Variants in MED12L observed in about 807,000 individuals in gnomAD.
MED12L encodes mediator complex subunit 12L, also known as mediator of RNA polymerase II transcription subunit 12-like protein.
Under a neutral mutation model 281.3 loss-of-function variants are expected in MED12L, and 60 were observed. The ratio of observed to expected loss-of-function variants is 0.21; its 90% CI spans 0.17 to 0.26. The LOEUF (loss-of-function observed/expected upper bound fraction) is 0.26. MED12L is among the 10% of genes least tolerant of loss of function. The pLI is 1.00. For missense variants in MED12L, 2,146 were observed against 2,680.9 expected (o/e 0.80, Z 4.41); for synonymous variants, 974 against 987.2 (o/e 0.99, Z 0.25).
chr3:151,197,200 T>C (rs914258328), intron 16 of MED12L, among the ~76,000 whole-genome samples: 3 of 152,130 alleles, frequency 2.0e-5, no homozygotes, highest in African/African-American at 7.2e-5. Context: ...TCTCGCTCTT[T>C]TTGCCCAGGC....
chr3:151,349,453 A>G (rs1325406192), intron 16 of MED12L, among the ~76,000 whole-genome samples: 2 of 152,152 alleles, frequency 1.3e-5, no homozygotes, highest in African/African-American at 2.4e-5. Context: ...AATAAATGGA[A>G]TATATATAGT....
chr3:151,256,080 A>C (rs934097459), intron 16 of MED12L, among the ~76,000 whole-genome samples: 1 of 152,242 alleles, frequency 6.6e-6, no homozygotes. Flanking sequence ...ATAGAAATAC[A>C]GTGCTATGCT....
chr3:151,429,106 C>T (rs759776143), intron 43 of MED12L, among the ~76,000 whole-genome samples: 2 of 152,132 alleles, frequency 1.3e-5, no homozygotes, highest in African/African-American at 4.8e-5. Flanking sequence ...CTAATCCCAG[C>T]GGGACAAGAA....
chr3:151,147,698 C>G (rs1717924461), intron 5 of MED12L, among the ~76,000 whole-genome samples: 1 of 152,210 alleles, frequency 6.6e-6, no homozygotes, highest in Non-Finnish European at 1.5e-5. Flanking sequence ...ACTTCATTCT[C>G]TCTTAGGGCC....
At chr3:151,400,156 C>T (rs1406257838) in intron 39 of MED12L, among the ~76,000 whole-genome samples, 2 of 152,040 alleles carry the variant, frequency 1.3e-5, no homozygotes, top group African/African-American at 2.4e-5. Flanking sequence ...CTCACAATAT[C>T]GACATCTAGG....
intron 16 of MED12L, chr3:151,219,732 G>A (rs1183722234): frequency 6.6e-6 from 1 of 152,056 alleles, no homozygotes; most frequent in African/African-American, 2.4e-5. Flanking sequence ...CTTAAATTCA[G>A]CTTGTGTAAT....
intron 43 of MED12L, among the ~76,000 whole-genome samples, chr3:151,423,054 C>G (rs994165640): frequency 6.0e-5 from 9 of 148,792 alleles, no homozygotes; most frequent in Admixed American, 2.0e-4. Flanking sequence ...GAGTCTTGCT[C>G]TGTCACCCAG....
At chr3:151,419,252 G>A (rs1717972367) in intron 43 of MED12L, among the ~76,000 whole-genome samples, 1 of 152,166 alleles carries the variant, frequency 6.6e-6, no homozygotes, top group Non-Finnish European at 1.5e-5. Context: ...TATATAAAGG[G>A]GAGTTTATTA....
At chr3:151,324,372 A>G (rs1209451933) in intron 16 of MED12L, among the ~76,000 whole-genome samples, 6 of 152,178 alleles carry the variant, frequency 3.9e-5, no homozygotes, top group Non-Finnish European at 7.4e-5. Context: ...CTACCCACAC[A>G]GAAACGTATC....
intron 36 of MED12L, among the ~76,000 whole-genome samples, chr3:151,386,257 G>A (rs1713328415): frequency 6.6e-6 from 1 of 152,208 alleles, no homozygotes; most frequent in Admixed American, 6.5e-5. Flanking sequence ...GGACTTCCTG[G>A]TAGTAAGACA....
At chr3:151,239,111 G>A (rs935451699) in intron 16 of MED12L, among the ~76,000 whole-genome samples, 2 of 152,172 alleles carry the variant, frequency 1.3e-5, no homozygotes, top group Admixed American at 6.5e-5. Context: ...ATATTAATTA[G>A]TATGATTTTT....
chr3:151,329,606 T>A, intron 16 of MED12L: 1 of 1,050,270 alleles, frequency 9.5e-7, no homozygotes, highest in South Asian at 1.4e-5. Context: ...TTTTTACTTA[T>A]GTAATGTGAC....
chr3:151,115,988 C>T (rs761613258), intron 2 of MED12L, among the ~76,000 whole-genome samples: 5 of 148,248 alleles, frequency 3.4e-5, no homozygotes, highest in South Asian at 2.1e-4. Flanking sequence ...GGCTTGAACC[C>T]GAGAGGTGGA....
chr3:151,319,419 C>A (rs1748702193), intron 16 of MED12L, among the ~76,000 whole-genome samples: 1 of 151,514 alleles, frequency 6.6e-6, no homozygotes, highest in African/African-American at 2.4e-5. Context: ...CCATTACAAA[C>A]CCCAAATTTA....
At chr3:151,132,188 C>G (rs1715494697) in intron 5 of MED12L, among the ~76,000 whole-genome samples, 1 of 152,122 alleles carries the variant, frequency 6.6e-6, no homozygotes, top group African/African-American at 2.4e-5. Context: ...GGAGTTTACC[C>G]CTAAGTTCCC....
At chr3:151,401,453 C>G (rs562617414) in intron 39 of MED12L, among the ~76,000 whole-genome samples, 3 of 152,086 alleles carry the variant, frequency 2.0e-5, no homozygotes, top group African/African-American at 7.2e-5. Flanking sequence ...ATATTCCCAC[C>G]AATGCTTGGT....
chr3:151,388,101 A>G lies in MED12L; in HGVS notation c.5380A>G (p.Lys1794Glu). 2 of 1,613,806 alleles carry G rather than the reference A, an allele frequency of 1.2e-6. No homozygotes were observed. Among genetic ancestry groups the G allele is most frequent in the South Asian group, 2.2e-5 (2 of 91,076 alleles). The change falls in exon 37 of 45, where the codon AAA becomes GAA. Residue 1794 changes from lysine to glutamate, a missense_variant. Transcript: ENST00000687756. ...GTCCGCTGAGCTGTCAGATCAGGGA[A>G]AAACCACAACAGATGAAGAAAAGAA... ...RKSAELSDQG[K>E]TTTDEEKKTK...
rs541572659 is a variant in MED12L, at chr3:151,378,018, C to A, written c.4323C>A (p.Ser1441=). The A allele has an allele frequency of 6.9e-6, 11 of 1,597,294 alleles. No homozygotes were observed. The highest frequency in any genetic ancestry group is 6.8e-5 in the Admixed American group (4 of 58,452). The part of the protein sequence containing the change: ...QNGIKTFLSS[S]ERRGVWLVAP... The stretch of plus-strand genomic sequence containing the variant: ...CACCTGTTTCTGATTTTAGTTCCTC[C>A]GAACGCAGGGGTGTATGGTTGGTGG... The change falls in exon 31 of 45, where the codon TCC becomes TCA. Residue 1441 remains serine, a synonymous_variant. Coordinates refer to ENST00000687756, the MANE Select transcript of MED12L (RefSeq NM_001393769.1).
intron 16 of MED12L, chr3:151,198,954 TAAG>T (rs1725103271): frequency 4.3e-6 from 7 of 1,613,904 alleles, no homozygotes. Flanking sequence ...GGCACCATTA[TAAG>T]AAGGACCATT....
Sources: allele counts gnomAD v4.1 joint callset (sites outside exome capture counted in the v4.1 genomes callset), GRCh38; gene constraint gnomAD v4.1.1; transcripts MANE v1.5; gene names NCBI Gene and HGNC (gene_info 2026-07-23, HGNC 2026-07-21).